LYVE1: variants seen among roughly 807,000 people sequenced by gnomAD.
LYVE1 encodes the protein lymphatic vessel endothelial hyaluronan receptor 1.
LYVE1 carries 29 observed loss-of-function variants against 31.5 expected under a neutral mutation model. That is an observed-to-expected ratio of 0.92 (90% CI 0.69 to 1.26). The LOEUF (loss-of-function observed/expected upper bound fraction) is 1.26. Ranked by LOEUF, LYVE1 falls within the 50% of genes most tolerant of loss-of-function variation. LYVE1 has a pLI of 0.00. For missense variants in LYVE1, 376 were observed against 380.2 expected (o/e 0.99, Z 0.09); for synonymous variants, 134 against 139.4 (o/e 0.96, Z 0.27).
intron 1 of LYVE1, among the ~76,000 whole-genome samples, chr11:10,566,191 C>T (rs1047086435): frequency 6.6e-6 from 1 of 151,996 alleles, no homozygotes; most frequent in African/African-American, 2.4e-5. Flanking sequence ...CTCACTGCAA[C>T]CTCTGCCTCC....
intron 1 of LYVE1, among the ~76,000 whole-genome samples, chr11:10,565,425 CT>C (rs1850515860): frequency 6.6e-6 from 1 of 152,182 alleles, no homozygotes; most frequent in African/African-American, 2.4e-5. Context: ...TCCTACTGGG[CT>C]TCATCCACAA....
intron 3 of LYVE1, 134 bp downstream of exon 3, chr11:10,563,806 G>T: frequency 1.7e-6 from 2 of 1,145,810 alleles, no homozygotes; most frequent in Non-Finnish European, 2.5e-6. Flanking sequence ...TGGCCAGAGA[G>T]ACAGTGTCGG....
At chr11:10,566,451 A>G (rs1850544821) in intron 1 of LYVE1, among the ~76,000 whole-genome samples, 1 of 152,064 alleles carries the variant, frequency 6.6e-6, no homozygotes, top group Non-Finnish European at 1.5e-5. Flanking sequence ...TACCTTTCAC[A>G]GTGCTATAAG....
In LYVE1 at chr11:10,558,274, A is replaced by G. The variant is rs561971774; in HGVS notation, c.*837T>C. The G allele has an allele frequency of 1.5e-3, 230 of 152,328 alleles. No homozygotes were observed. The highest frequency in any genetic ancestry group is 5.4e-3 in the African/African-American group (224 of 41,586). 9.4% of individuals were successfully genotyped at this position (152,328 alleles called of 1,614,324 possible). ...GTTTGTTGAATTTTATTACTTTTTA[A>G]ACAAATTACTGAGTAATCTTCCTTA... is the stretch of plus-strand genomic sequence containing the variant. On this transcript the variant is annotated 3_prime_UTR_variant, in exon 6 of 6. Coordinates refer to ENST00000256178, the MANE Select transcript of LYVE1 (RefSeq NM_006691.4).
chr11:10,563,568 G>A (rs528167893), intron 3 of LYVE1, among the ~76,000 whole-genome samples: 3 of 152,156 alleles, frequency 2.0e-5, no homozygotes, highest in East Asian at 1.9e-4. Flanking sequence ...ATGGGGTGCC[G>A]GAACCAATCT....
At chr11:10,568,365 A>G in intron 1 of LYVE1, 83 bp downstream of exon 1, 1 of 1,418,952 alleles carries the variant, frequency 7.0e-7, no homozygotes, top group Non-Finnish European at 9.7e-7. Flanking sequence ...GGTCACCCTC[A>G]TTCCCAGAAA....
At chr11:10,563,176 C>T (rs1850466654) in intron 3 of LYVE1, among the ~76,000 whole-genome samples, 1 of 151,882 alleles carries the variant, frequency 6.6e-6, no homozygotes, top group African/African-American at 2.4e-5. Flanking sequence ...GTCTCAATCT[C>T]CTGACCTTGT....
In LYVE1 at chr11:10,564,209, G is replaced by T. The variant is rs946575494; in HGVS notation, c.251C>A (p.Thr84Asn). Residue 84 changes from threonine (T) to asparagine (N), a missense_variant, in exon 2 of 6, where the codon ACT becomes AAT. Physicochemically the swap from Thr to Asn is moderately conservative, Grantham distance 65 (BLOSUM62 0). Transcript: ENST00000256178. Reference protein sequence around the residue: ...VETALKASFETCSYGWVGDGF... With the variant: ...VETALKASFENCSYGWVGDGF... Reference sequence around the variant, plus strand: ...GAAACCAGCTTTTTCTCACCTGCAAGTTTCAAAGCTAGCTTTCAAGGCTGT... The same window carrying T: ...GAAACCAGCTTTTTCTCACCTGCAATTTTCAAAGCTAGCTTTCAAGGCTGT... The T allele has an allele frequency of 4.3e-6, 7 of 1,613,782 alleles. No homozygotes were observed. In the African/African-American group the frequency reaches 5.3e-5, roughly 12 times the overall value.
chr11:10,567,288 T>C (rs568964585), intron 1 of LYVE1, among the ~76,000 whole-genome samples: 7 of 152,348 alleles, frequency 4.6e-5, no homozygotes, highest in East Asian at 3.9e-4. Flanking sequence ...TGCTGACTTT[T>C]GGTTGTTTCC....
Position 10,568,574 on chromosome 11 carries a change from C to T in LYVE1, c.-42G>A, listed in dbSNP as rs1469687495. 6.2e-7 allele frequency: 1 copy of T among 1,601,426 alleles called. No homozygotes were observed. Among genetic ancestry groups the T allele is most frequent in the African/African-American group, 1.3e-5 (1 of 74,550 alleles). ...GAGCCAGGGAAACACCTCAGATGGC[C>T]ACTGGTGATATGAGAGGCAGATGCT... is the stretch of plus-strand genomic sequence containing the variant. On this transcript the variant is annotated 5_prime_UTR_variant, in exon 1 of 6. Coordinates refer to ENST00000256178, the MANE Select transcript of LYVE1 (RefSeq NM_006691.4).
chr11:10,568,417 C>T lies in LYVE1; in HGVS notation c.85+31G>A, dbSNP rs530323914. 3.1e-6 allele frequency: 5 copies of T among 1,611,536 alleles called. No homozygotes were observed. The East Asian group carries it at 8.9e-5, about 29-fold the overall frequency. ...TAGGAGGCTTAGGACTGAAGCCTTG[C>T]TTCAGTTTGGAAATCTGGTGAGAAA... On this transcript the variant is annotated intron_variant, in intron 1 of 5. Transcript: ENST00000256178.
intron 1 of LYVE1, among the ~76,000 whole-genome samples, chr11:10,565,666 T>C (rs1850521885): frequency 6.6e-6 from 1 of 152,194 alleles, no homozygotes; most frequent in African/African-American, 2.4e-5. Flanking sequence ...GTTCCTCTTT[T>C]TTCCTTCTTC....
intron 1 of LYVE1, among the ~76,000 whole-genome samples, chr11:10,567,841 C>T (rs1850572566): frequency 6.6e-6 from 1 of 151,924 alleles, no homozygotes. Flanking sequence ...AACATTGCAC[C>T]TCATTCATGG....
In LYVE1 at chr11:10,568,420, C is replaced by T. The variant is rs148451291; in HGVS notation, c.85+28G>A. On this transcript the variant is annotated intron_variant, in intron 1 of 5. Coordinates refer to ENST00000256178, the MANE Select transcript of LYVE1 (RefSeq NM_006691.4). ...GAGGCTTAGGACTGAAGCCTTGCTT[C>T]AGTTTGGAAATCTGGTGAGAAACCT... The T allele has an allele frequency of 2.8e-3, 4,458 of 1,611,714 alleles. 7 individuals carry two copies. The highest frequency in any genetic ancestry group is 6.0e-3 in the Middle Eastern group (36 of 6,020).
chr11:10,560,710 A>G lies in LYVE1; in HGVS notation c.488T>C (p.Ile163Thr). 1 of 1,613,916 alleles carries G rather than the reference A, an allele frequency of 6.2e-7. No homozygotes were observed. Among genetic ancestry groups the G allele is most frequent in the African/African-American group, 1.3e-5 (1 of 75,052 alleles). ...TQTATQTTEFIVSDSTYSVAS... is the reference protein window; with the variant it reads ...TQTATQTTEFTVSDSTYSVAS... ...CACCGAGTAGGTACTGTCACTGACA[A>G]TAAATTCTGTTGTTTGTGTTGCAGT... is the stretch of plus-strand genomic sequence containing the variant. Residue 163 changes from isoleucine to threonine, a missense_variant, in exon 4 of 6, where the codon ATT (isoleucine) becomes ACT (threonine). Ile to Thr is a moderately conservative substitution (Grantham distance 89, BLOSUM62 -1). Transcript: ENST00000256178.
At position 10,568,568 on chromosome 11, in the gene LYVE1, G is replaced by A; in HGVS notation, c.-36C>T. On this transcript the variant is annotated 5_prime_UTR_variant, in exon 1 of 6. Coordinates refer to ENST00000256178, the MANE Select transcript of LYVE1 (RefSeq NM_006691.4). The stretch of plus-strand genomic sequence containing the variant: ...CCTTCAGAGCCAGGGAAACACCTCA[G>A]ATGGCCACTGGTGATATGAGAGGCA... 6.2e-7 allele frequency: 1 copy of A among 1,605,792 alleles called. No homozygotes were observed. The highest frequency in any genetic ancestry group is 1.1e-5 in the South Asian group (1 of 90,166).
chr11:10,561,146 C>T (rs1003837241), intron 3 of LYVE1, among the ~76,000 whole-genome samples: 1 of 152,214 alleles, frequency 6.6e-6, no homozygotes, highest in African/African-American at 2.4e-5. Context: ...GACTCTTTGC[C>T]TCTCTTTATT....
At chr11:10,562,905 A>G (rs2134006780) in intron 3 of LYVE1, among the ~76,000 whole-genome samples, 1 of 147,906 alleles carries the variant, frequency 6.8e-6, no homozygotes, top group Non-Finnish European at 1.5e-5. Flanking sequence ...TACAGTAATG[A>G]GACGTTAGAC....
chr11:10,559,334 T>A (rs745681669), intron 5 of LYVE1, 37 bp from the exon 6 acceptor site: 1 of 1,557,446 alleles, frequency 6.4e-7, no homozygotes, highest in Non-Finnish European at 8.8e-7. Flanking sequence ...TGAGAGACTC[T>A]CACACATAAC....
Sources: allele counts gnomAD v4.1 joint callset (sites outside exome capture counted in the v4.1 genomes callset), GRCh38; gene constraint gnomAD v4.1.1; transcripts MANE v1.5; gene names NCBI Gene and HGNC (gene_info 2026-07-23, HGNC 2026-07-21).